The following TENM3 variants were observed in gnomAD, a reference collection of about 807,000 sequenced individuals.
TENM3 encodes teneurin-3.
Under a neutral mutation model 255.1 loss-of-function variants are expected in TENM3, and 63 were observed. The observed-to-expected ratio is 0.25, with a 90% CI of 0.20 to 0.30. The LOEUF (loss-of-function observed/expected upper bound fraction) is 0.30, where lower values mean the gene tolerates loss of function less well. Among genes scored for constraint, TENM3 ranks in the 10% least tolerant of loss-of-function variants. The probability of loss-of-function intolerance (pLI) is 1.00; values close to 1 mark genes in which losing one functional copy is unlikely to be tolerated. For missense variants in TENM3, 2,929 were observed against 3,461.1 expected (o/e 0.85, Z 3.86); for synonymous variants, 1,306 against 1,322.3 (o/e 0.99, Z 0.27).
At chr4:182,666,122 A>G (rs1256450649) in intron 6 of TENM3, among the ~76,000 whole-genome samples, 1 of 152,194 alleles carries the variant, frequency 6.6e-6, no homozygotes, top group African/African-American at 2.4e-5. Flanking sequence ...AAGATGTGAC[A>G]ATTGCTGCAA....
At chr4:182,273,983 T>C (rs1042554921) in intron 1 of TENM3, among the ~76,000 whole-genome samples, 1 of 152,184 alleles carries the variant, frequency 6.6e-6, no homozygotes, top group African/African-American at 2.4e-5. Flanking sequence ...TACATACAGG[T>C]GTTCTTTCTC....
intron 3 of TENM3, among the ~76,000 whole-genome samples, chr4:182,417,953 G>C (rs1000319695): frequency 6.6e-6 from 1 of 152,120 alleles, no homozygotes; most frequent in Admixed American, 6.5e-5. Context: ...ATTTATGTCT[G>C]AAGATTTATG....
chr4:181,498,875 T>G, the TENM3 span, among the ~76,000 whole-genome samples: 1 of 152,218 alleles, frequency 6.6e-6, no homozygotes, highest in Non-Finnish European at 1.5e-5. Context: ...GGAGAAGGGT[T>G]AGATAATAAC....
chr4:181,915,692 G>A, the TENM3 span, among the ~76,000 whole-genome samples: 1 of 146,208 alleles, frequency 6.8e-6, no homozygotes, highest in East Asian at 2.2e-4. Context: ...GGGGAAGGGG[G>A]GAGGGGAGGA....
the TENM3 span, among the ~76,000 whole-genome samples, chr4:181,954,068 G>A: frequency 1.3e-5 from 2 of 152,132 alleles, no homozygotes; most frequent in East Asian, 3.9e-4. Context: ...GTCTTATACT[G>A]TATATGTGTC....
chr4:182,410,410 G>A (rs1769904596), intron 3 of TENM3, among the ~76,000 whole-genome samples: 1 of 152,240 alleles, frequency 6.6e-6, no homozygotes, highest in South Asian at 2.1e-4. Flanking sequence ...GCAGAGCAGG[G>A]CAGCAGAGGC....
chr4:182,497,847 CAT>C (rs56170155), intron 3 of TENM3, among the ~76,000 whole-genome samples: 5,023 of 134,936 alleles, frequency 0.037, 139 homozygotes, highest in East Asian at 0.13. Context: ...ACTAAAAATA[CAT>C]ATATATATAT....
the TENM3 span, among the ~76,000 whole-genome samples, chr4:181,776,301 A>G: frequency 1.3e-5 from 2 of 152,028 alleles, no homozygotes; most frequent in East Asian, 3.9e-4. Context: ...ATATACACAA[A>G]TTTTCTTTAT....
the TENM3 span, among the ~76,000 whole-genome samples, chr4:182,046,549 A>AAT: frequency 3.0e-4 from 43 of 143,112 alleles, no homozygotes; most frequent in African/African-American, 1.1e-3. Context: ...ACAAAAAACT[A>AAT]AATAATAATA....
the TENM3 span, among the ~76,000 whole-genome samples, chr4:181,839,424 C>A: frequency 8.7e-6 from 1 of 115,438 alleles, no homozygotes; most frequent in Non-Finnish European, 1.8e-5. Context: ...TGCCTATATA[C>A]ATATACATAT....
At chr4:182,464,959 T>G (rs1200430128) in intron 3 of TENM3, among the ~76,000 whole-genome samples, 1 of 152,206 alleles carries the variant, frequency 6.6e-6, no homozygotes. Context: ...TTTTGATGTT[T>G]ACTGCTGAAT....
chr4:181,727,799 A>G, the TENM3 span, among the ~76,000 whole-genome samples: 32 of 152,282 alleles, frequency 2.1e-4, 1 homozygote, highest in South Asian at 2.5e-3. Flanking sequence ...TAAATTATAT[A>G]TATCTCCATG....
At chr4:182,296,771 A>T (rs902334345) in intron 1 of TENM3, among the ~76,000 whole-genome samples, 2 of 151,798 alleles carry the variant, frequency 1.3e-5, no homozygotes, top group Non-Finnish European at 2.9e-5. Flanking sequence ...AAAGAGCTCA[A>T]TTTTTTTTTC....
intron 27 of TENM3, among the ~76,000 whole-genome samples, chr4:182,797,713 G>GT (rs1766597450): frequency 1.3e-5 from 2 of 152,156 alleles, no homozygotes; most frequent in South Asian, 4.1e-4. Context: ...CCAGCTTACA[G>GT]TAAGAATAAT....
the TENM3 span, among the ~76,000 whole-genome samples, chr4:182,127,581 T>A: frequency 3.1e-4 from 47 of 152,312 alleles, 1 homozygote; most frequent in South Asian, 9.5e-3. Flanking sequence ...ACAATAGTAT[T>A]TCAAAATAAA....
chr4:181,980,698 T>C, the TENM3 span, among the ~76,000 whole-genome samples: 6 of 152,330 alleles, frequency 3.9e-5, no homozygotes, highest in African/African-American at 1.4e-4. Context: ...AATTTTCAAA[T>C]GTAAAATATC....
At chr4:181,700,273 G>A in the TENM3 span, among the ~76,000 whole-genome samples, 1 of 150,468 alleles carries the variant, frequency 6.6e-6, no homozygotes, top group Admixed American at 6.6e-5. Flanking sequence ...CCTAATATAA[G>A]TCAGTGACAA....
At chr4:181,778,511 T>C in the TENM3 span, among the ~76,000 whole-genome samples, 6 of 152,176 alleles carry the variant, frequency 3.9e-5, no homozygotes, top group African/African-American at 1.4e-4. Context: ...GTTTAGGCCA[T>C]GCAGCAGATC....
At chr4:181,580,921 A>G in the TENM3 span, among the ~76,000 whole-genome samples, 1 of 152,190 alleles carries the variant, frequency 6.6e-6, no homozygotes, top group African/African-American at 2.4e-5. Flanking sequence ...CAGAAAATGT[A>G]TGTGTGGTTT....
Sources: gnomAD v4.1 joint callset for allele counts (sites outside exome capture counted in the v4.1 genomes callset) on GRCh38, gnomAD v4.1.1 for gene constraint, MANE v1.5 for transcripts, NCBI Gene and HGNC (gene_info 2026-07-23, HGNC 2026-07-21) for gene names.